RBFOX1: variants seen among roughly 807,000 people sequenced by gnomAD.
RBFOX1 encodes the protein RNA binding protein fox-1 homolog 1.
A neutral mutation model predicts 57.7 loss-of-function variants in RBFOX1; 8 were observed. That is an observed-to-expected ratio of 0.14 (90% CI 0.08 to 0.25). RBFOX1 has a LOEUF of 0.25. Among genes scored for constraint, RBFOX1 ranks in the 10% least tolerant of loss-of-function variants. The probability of loss-of-function intolerance (pLI) is 1.00; values close to 1 mark genes in which losing one functional copy is unlikely to be tolerated. For missense variants in RBFOX1, 611 were observed against 548.5 expected (o/e 1.11, Z -1.14); for synonymous variants, 326 against 222.4 (o/e 1.47, Z -4.15).
chr16:6,895,887 T>C (rs1189829324), intron 3 of RBFOX1, among the ~76,000 whole-genome samples: 7 of 152,100 alleles, frequency 4.6e-5, no homozygotes, highest in Non-Finnish European at 7.4e-5. Context: ...CATCCTCTTA[T>C]GTCATCTTTT....
At chr16:7,165,908 C>T (rs927318863) in intron 4 of RBFOX1, among the ~76,000 whole-genome samples, 2 of 147,916 alleles carry the variant, frequency 1.4e-5, no homozygotes, top group African/African-American at 2.5e-5. Flanking sequence ...CTGTCTCTTG[C>T]CCCCTGCACC....
At chr16:7,295,593 G>C (rs1182805514) in intron 4 of RBFOX1, among the ~76,000 whole-genome samples, 19 of 152,054 alleles carry the variant, frequency 1.2e-4, no homozygotes, top group Admixed American at 1.2e-3. Context: ...TATAATAGCA[G>C]CTGCAAAGGT....
intron 4 of RBFOX1, among the ~76,000 whole-genome samples, chr16:7,189,251 C>G (rs1297148509): frequency 1.3e-5 from 2 of 151,556 alleles, no homozygotes; most frequent in Non-Finnish European, 2.9e-5. Context: ...CAGTGAAACC[C>G]CATCTCTACT....
Position 5,394,677 on chromosome 16 carries a change from T to G in RBFOX1, c.220-72539T>G, listed in dbSNP as rs376651246. 1.4e-3 allele frequency among the ~76,000 whole-genome samples: 208 copies of G among 151,810 alleles called. 6 individuals carry two copies. In the South Asian group the frequency reaches 0.04, roughly 30 times the overall value. ...CCTGGGCCCAAGCAATCCTCCTAAG[T>G]AGCTGAGACTACAGATGCATGCAAC... On this transcript the variant is annotated intron_variant, in intron 1 of 2. Coordinates refer to the RBFOX1 transcript ENST00000585867.
chr16:6,063,641 C>T (rs959789502), intron 1 of RBFOX1, among the ~76,000 whole-genome samples: 1 of 152,100 alleles, frequency 6.6e-6, no homozygotes, highest in African/African-American at 2.4e-5. Flanking sequence ...TCAAGCTTAC[C>T]ATTTATTTTA....
At chr16:7,047,646 C>T (rs909482981) in intron 3 of RBFOX1, among the ~76,000 whole-genome samples, 3 of 139,550 alleles carry the variant, frequency 2.1e-5, no homozygotes, top group African/African-American at 7.9e-5. Flanking sequence ...ACTCTTTATC[C>T]TTATATTCTA....
At chr16:7,607,449 TA>T in intron 10 of RBFOX1, 111 bp downstream of exon 10, 1 of 986,988 alleles carries the variant, frequency 1.0e-6, no homozygotes, top group Non-Finnish European at 1.6e-6. Context: ...ATTCCTATCC[TA>T]ACAAGTTCTG....
chr16:5,521,409 C>T (rs1424721971), intron 2 of RBFOX1, among the ~76,000 whole-genome samples: 4 of 152,150 alleles, frequency 2.6e-5, no homozygotes, highest in African/African-American at 9.7e-5. Context: ...CAGCCTTGTA[C>T]ATTTGATTTT....
At chr16:5,419,708 G>T (rs1056945786) in intron 1 of RBFOX1, among the ~76,000 whole-genome samples, 2 of 152,050 alleles carry the variant, frequency 1.3e-5, no homozygotes, top group Non-Finnish European at 2.9e-5. Context: ...AGGGCTCCCA[G>T]TGAGCCTCAT....
downstream of RBFOX1, among the ~76,000 whole-genome samples, chr16:5,603,489 G>A (rs1349929284): frequency 3.3e-5 from 5 of 152,162 alleles, no homozygotes; most frequent in Non-Finnish European, 5.9e-5. Context: ...GTGATGCAGG[G>A]AGCATTTCTG....
In RBFOX1 at chr16:6,634,823, G is replaced by T. The variant is rs527811702; in HGVS notation, c.-63-19780G>T. 4.7e-4 allele frequency among the ~76,000 whole-genome samples: 62 copies of T among 131,684 alleles called. No individual in the cohort carries two copies. In the East Asian group the frequency reaches 7.8e-3, roughly 17 times the overall value. 86.4% of individuals were successfully genotyped at this position (131,684 alleles called of 152,430 possible). On this transcript the variant is annotated intron_variant, in intron 2 of 15. Coordinates refer to ENST00000550418, the MANE Select transcript of RBFOX1 (RefSeq NM_018723.4). ...ATATTTGTATTATATATAATACAAA[G>T]ATATACATATATTTGTATTATATAT...
At chr16:5,648,336 G>C (rs1006315276) in intron 3 of RBFOX1, among the ~76,000 whole-genome samples, 1 of 152,240 alleles carries the variant, frequency 6.6e-6, no homozygotes, top group Non-Finnish European at 1.5e-5. Context: ...TAAAAAACCA[G>C]AGTAAGAGAA....
intron 2 of RBFOX1, among the ~76,000 whole-genome samples, chr16:6,335,760 A>G (rs2083557879): frequency 6.8e-6 from 1 of 147,164 alleles, no homozygotes; most frequent in Non-Finnish European, 1.5e-5. Context: ...CCTGGGGGAT[A>G]CAGCAAGACT....
At chr16:7,534,479 A>G (rs2152410140) in intron 5 of RBFOX1, among the ~76,000 whole-genome samples, 1 of 152,270 alleles carries the variant, frequency 6.6e-6, no homozygotes, top group African/African-American at 2.4e-5. Context: ...TCTGAAGCTT[A>G]CGTGTAGAAT....
intron 4 of RBFOX1, among the ~76,000 whole-genome samples, chr16:7,074,153 A>G (rs964893413): frequency 1.3e-5 from 2 of 152,206 alleles, no homozygotes; most frequent in Admixed American, 1.3e-4. Flanking sequence ...AGGAGAAAAA[A>G]CAGTCAGTAG....
intron 3 of RBFOX1, among the ~76,000 whole-genome samples, chr16:5,606,637 C>G (rs2047590931): frequency 6.6e-6 from 1 of 152,120 alleles, no homozygotes; most frequent in Non-Finnish European, 1.5e-5. Context: ...GAGGAGGACA[C>G]AGGATGAATA....
intron 2 of RBFOX1, among the ~76,000 whole-genome samples, chr16:5,564,661 TGTG>T (rs1371566341): frequency 1.3e-5 from 2 of 152,204 alleles, no homozygotes; most frequent in Non-Finnish European, 2.9e-5. Context: ...CTCATACCTA[TGTG>T]ACTTGGAACC....
At chr16:6,942,705 C>T (rs997691928) in intron 3 of RBFOX1, among the ~76,000 whole-genome samples, 1 of 152,154 alleles carries the variant, frequency 6.6e-6, no homozygotes, top group Admixed American at 6.5e-5. Flanking sequence ...ACTGGGGCAT[C>T]TCTTTGGACA....
chr16:5,739,949 TG>T (rs1461360276), intron 3 of RBFOX1, among the ~76,000 whole-genome samples: 1 of 151,782 alleles, frequency 6.6e-6, no homozygotes, highest in Non-Finnish European at 1.5e-5. Context: ...ACAGAGGAGG[TG>T]GGGTGAGGCT....
Sources: allele counts gnomAD v4.1 joint callset (sites outside exome capture counted in the v4.1 genomes callset), GRCh38; gene constraint gnomAD v4.1.1; transcripts MANE v1.5; gene names NCBI Gene and HGNC (gene_info 2026-07-23, HGNC 2026-07-21).